The following CELF1 variants were observed in gnomAD, a reference collection of about 807,000 sequenced individuals.
The protein encoded by CELF1 is CUGBP Elav-like family member 1, also known as 50 kDa nuclear polyadenylated RNA-binding protein.
CELF1 carries 10 observed loss-of-function variants against 61.8 expected under a neutral mutation model. The observed-to-expected ratio is 0.16, with a 90% CI of 0.10 to 0.27. The LOEUF (loss-of-function observed/expected upper bound fraction) is 0.27, where lower values mean the gene tolerates loss of function less well. CELF1 is among the 10% of genes least tolerant of loss of function. The probability of loss-of-function intolerance (pLI) is 1.00; values close to 1 mark genes in which losing one functional copy is unlikely to be tolerated. For synonymous variants in CELF1, 236 were observed against 225.1 expected (o/e 1.05, Z -0.43); for missense variants, 380 against 639.1 (o/e 0.59, Z 4.37).
intron 1 of CELF1, among the ~76,000 whole-genome samples, chr11:47,527,138 C>T (rs1226253983): frequency 6.6e-6 from 1 of 151,704 alleles, no homozygotes; most frequent in Non-Finnish European, 1.5e-5. Flanking sequence ...AGTAGAGGCA[C>T]ATTCATGTCC....
chr11:47,485,618 G>C (rs2086312740), intron 6 of CELF1, among the ~76,000 whole-genome samples: 1 of 149,332 alleles, frequency 6.7e-6, no homozygotes, highest in Admixed American at 6.6e-5. Context: ...GTCTTGCTCT[G>C]TCACCCAGGC....
intron 2 of CELF1, among the ~76,000 whole-genome samples, chr11:47,561,910 C>A (rs1277914725): frequency 6.6e-6 from 1 of 151,582 alleles, no homozygotes; most frequent in East Asian, 1.9e-4. Flanking sequence ...AGACAGGTAT[C>A]AACACACAAG....
At chr11:47,526,243 C>T (rs2096237326) in intron 1 of CELF1, among the ~76,000 whole-genome samples, 1 of 152,130 alleles carries the variant, frequency 6.6e-6, no homozygotes, top group African/African-American at 2.4e-5. Flanking sequence ...TCGCTTGAAC[C>T]TGGGAAGCGG....
chr11:47,493,513 G>GA (rs35976407), intron 3 of CELF1, among the ~76,000 whole-genome samples: 4,674 of 84,942 alleles, frequency 0.055, 228 homozygotes, highest in African/African-American at 0.17. Flanking sequence ...ATCTCAAAAA[G>GA]AAAAAAAAAA....
At chr11:47,501,723 T>TA (rs2093930093) in intron 1 of CELF1, among the ~76,000 whole-genome samples, 1 of 152,046 alleles carries the variant, frequency 6.6e-6, no homozygotes, top group South Asian at 2.1e-4. Context: ...CTCGGGAGGC[T>TA]AAGGCAGGAG....
chr11:47,557,761 T>G (rs2097210214), upstream of CELF1: 1 of 151,346 alleles, frequency 6.6e-6, no homozygotes. Flanking sequence ...CCAGAACTTC[T>G]GGACTCAAGT....
rs115490268 is a variant in CELF1 at position 47,486,339 on chromosome 11, C to A, written c.391+411G>T. On this transcript the variant is annotated intron_variant, in intron 6 of 14. Coordinates refer to ENST00000687097, the MANE Select transcript of CELF1 (RefSeq NM_001376376.1). ...CATACTTTTAAAGAAAAAACTGAGA[C>A]AACTTAGACAACGGATTACTTAAAG... Among the ~76,000 whole-genome samples, 663 of 151,668 alleles carry A rather than the reference C, an allele frequency of 4.4e-3. 2 individuals carry two copies. The highest frequency in any genetic ancestry group is 0.015 in the African/African-American group (607 of 41,296).
intron 1 of CELF1, among the ~76,000 whole-genome samples, chr11:47,534,311 T>C (rs987527795): frequency 2.6e-5 from 4 of 151,014 alleles, no homozygotes; most frequent in Admixed American, 1.3e-4. Flanking sequence ...ATTACAGGCA[T>C]GAGCCACGGC....
Position 47,482,718 on chromosome 11 carries a change from T to C in CELF1, c.745A>G (p.Thr249Ala). ...SVWGNLAGLNTLGPQYLALYL... is the reference protein window; with the variant it reads ...SVWGNLAGLNALGPQYLALYL... Reference sequence around the variant, plus strand: ...ACTGCTAAATACTGGGGTCCAAGAGTATTTAGACCAGCAAGGTTTCCCCAC... The same window carrying C: ...ACTGCTAAATACTGGGGTCCAAGAGCATTTAGACCAGCAAGGTTTCCCCAC... Residue 249 changes from threonine (T) to alanine (A), a missense_variant, in exon 9 of 15, where the codon ACT becomes GCT. Physicochemically the swap from Thr to Ala is moderately conservative, Grantham distance 58. Transcript: ENST00000687097. 3 of 1,613,560 alleles carry C rather than the reference T, an allele frequency of 1.9e-6. No individual in the cohort carries two copies. Among genetic ancestry groups the C allele is most frequent in the Non-Finnish European group, 2.5e-6 (3 of 1,179,896 alleles).
chr11:47,504,175 AAAAC>A (rs568907319), intron 1 of CELF1, among the ~76,000 whole-genome samples: 1 of 152,290 alleles, frequency 6.6e-6, no homozygotes, highest in East Asian at 1.9e-4. Flanking sequence ...ACCCTGTCTC[AAAAC>A]AAACAAACAA....
At chr11:47,540,650 C>T (rs1357077651) in intron 1 of CELF1, among the ~76,000 whole-genome samples, 2 of 152,090 alleles carry the variant, frequency 1.3e-5, no homozygotes, top group African/African-American at 2.4e-5. Flanking sequence ...TTTGGGGAGG[C>T]CGAGGTGGGT....
Position 47,545,915 on chromosome 11 carries a change from ATTTTTT to A in CELF1, c.-154+7071_-154+7076del, listed in dbSNP as rs11315630. ...TGTGTGTGTGTGTGTGTATATATAT[ATTTTTT>A]TTTTTTTGAGATGGAGTCTCCCACT... On this transcript the variant is annotated intron_variant, in intron 1 of 14. Coordinates refer to ENST00000687097, the MANE Select transcript of CELF1 (RefSeq NM_001376376.1). Among the ~76,000 whole-genome samples the A allele has an allele frequency of 1.6e-3, 214 of 135,914 alleles. 1 individual carries two copies. The highest frequency in any genetic ancestry group is 5.5e-3 in the African/African-American group (198 of 36,252). 89.2% of individuals were successfully genotyped at this position (135,914 alleles called of 152,430 possible).
exon 1 of CELF1, chr11:47,565,471 C>T (rs2097242011): frequency 4.5e-6 from 3 of 664,356 alleles, no homozygotes; most frequent in Non-Finnish European, 6.2e-6. Flanking sequence ...CCGCCAGTCC[C>T]CCAGAGTCCA....
chr11:47,472,121 T>TCAGG lies in CELF1; in HGVS notation c.*105_*108dup, dbSNP rs2077887979. On this transcript the variant is annotated 3_prime_UTR_variant, in exon 15 of 15. Coordinates refer to ENST00000687097, the MANE Select transcript of CELF1 (RefSeq NM_001376376.1). ...GCTGTGCCTGCGAGAGTGGCAGGGATCAGGGTCCAGGGCTGTCAACACACA... is the reference window on the plus strand; with the variant it reads ...GCTGTGCCTGCGAGAGTGGCAGGGATCAGGCAGGGTCCAGGGCTGTCAACACACA... 9.8e-6 allele frequency: 13 copies of TCAGG among 1,324,000 alleles called. No homozygotes were observed. The highest frequency in any genetic ancestry group is 1.4e-5 in the Non-Finnish European group (13 of 952,752). 82.0% of individuals were successfully genotyped at this position (1,324,000 alleles called of 1,614,324 possible).
chr11:47,511,752 G>A (rs974666348), intron 1 of CELF1, among the ~76,000 whole-genome samples: 9 of 152,122 alleles, frequency 5.9e-5, no homozygotes, highest in African/African-American at 1.9e-4. Flanking sequence ...ACAGAGATCC[G>A]GGCTAAGAAG....
intron 3 of CELF1, 143 bp downstream of exon 3, chr11:47,499,306 ATAAT>A (rs777197320): frequency 1.7e-4 from 109 of 624,718 alleles, no homozygotes; most frequent in Non-Finnish European, 2.9e-4. Flanking sequence ...ACAATTGAAA[ATAAT>A]AGCATGAGAG....
chr11:47,491,964 T>C (rs1261325521), intron 3 of CELF1, among the ~76,000 whole-genome samples: 2 of 152,208 alleles, frequency 1.3e-5, no homozygotes, highest in African/African-American at 4.8e-5. Flanking sequence ...GATTATTTAA[T>C]TGCCACAGGA....
At chr11:47,488,746 A>G in intron 4 of CELF1, 91 bp downstream of exon 4, 4 of 1,045,348 alleles carry the variant, frequency 3.8e-6, no homozygotes, top group Non-Finnish European at 5.2e-6. Flanking sequence ...ATAAAAATCC[A>G]ATTTTTTGTA....
chr11:47,565,073 G>A (rs1291127114), intron 1 of CELF1, among the ~76,000 whole-genome samples: 5 of 152,068 alleles, frequency 3.3e-5, no homozygotes, highest in Admixed American at 2.0e-4. Flanking sequence ...TCCTCTGTTT[G>A]AAAGCTCTAA....
Sources: allele counts gnomAD v4.1 joint callset (sites outside exome capture counted in the v4.1 genomes callset), GRCh38; gene constraint gnomAD v4.1.1; transcripts MANE v1.5; gene names NCBI Gene and HGNC (gene_info 2026-07-23, HGNC 2026-07-21).